The following KIFAP3 variants were observed in gnomAD, a reference collection of about 807,000 sequenced individuals.
KIFAP3 encodes the protein kinesin associated protein 3.
KIFAP3 carries 68 observed loss-of-function variants against 106.5 expected under a neutral mutation model. The observed-to-expected ratio is 0.64, with a 90% confidence interval of 0.53 to 0.78. The LOEUF (loss-of-function observed/expected upper bound fraction) is 0.78. Ranked by LOEUF, KIFAP3 falls within the 30% of genes least tolerant of loss-of-function variation. The pLI is 0.00. For synonymous variants in KIFAP3, 320 were observed against 311.5 expected, an observed-to-expected ratio of 1.03 and a Z score of -0.29; for missense variants, 780 against 941.8, an observed-to-expected ratio of 0.83 and a Z score of 2.25.
intron 3 of KIFAP3, among the ~76,000 whole-genome samples, chr1:170,039,856 A>C (rs1669883783): frequency 6.6e-6 from 1 of 152,170 alleles, no homozygotes; most frequent in Non-Finnish European, 1.5e-5. Context: ...ATTCCCAAAT[A>C]AAGAGGTATC....
intron 19 of KIFAP3, among the ~76,000 whole-genome samples, chr1:169,948,501 TAGCAATTAGG>T (rs139964410): frequency 0.021 from 3,240 of 152,080 alleles, 119 homozygotes; most frequent in African/African-American, 0.071. Flanking sequence ...TATAGGTTTT[TAGCAATTAGG>T]TTAGTTCTTA....
At chr1:169,973,275 C>G (rs1393409178) in intron 16 of KIFAP3, among the ~76,000 whole-genome samples, 1 of 146,002 alleles carries the variant, frequency 6.8e-6, no homozygotes, top group African/African-American at 2.5e-5. Context: ...GAAACAGAAG[C>G]AAAAGGAATA....
intron 10 of KIFAP3, among the ~76,000 whole-genome samples, chr1:170,002,256 T>C (rs1473199329): frequency 6.6e-6 from 1 of 152,162 alleles, no homozygotes; most frequent in Non-Finnish European, 1.5e-5. Flanking sequence ...AAATGTAATC[T>C]AGACAAAAAT....
intron 10 of KIFAP3, among the ~76,000 whole-genome samples, chr1:170,008,950 G>C (rs980730469): frequency 2.6e-5 from 4 of 152,202 alleles, no homozygotes; most frequent in African/African-American, 9.6e-5. Flanking sequence ...AAAAAAGGAT[G>C]AGATCATGTC....
chr1:170,050,754 G>A (rs895184980), intron 2 of KIFAP3, among the ~76,000 whole-genome samples: 12 of 152,044 alleles, frequency 7.9e-5, no homozygotes, highest in African/African-American at 2.4e-4. Flanking sequence ...AGCTTCATAA[G>A]CAAAGGAGAG....
chr1:170,004,532 G>C (rs1170512037), intron 10 of KIFAP3, among the ~76,000 whole-genome samples: 2 of 152,016 alleles, frequency 1.3e-5, no homozygotes, highest in Non-Finnish European at 2.9e-5. Context: ...GAACAGAACA[G>C]AGCTCTCAGA....
chr1:170,011,779 G>T (rs1310157899), intron 10 of KIFAP3, among the ~76,000 whole-genome samples: 1 of 151,952 alleles, frequency 6.6e-6, no homozygotes, highest in Non-Finnish European at 1.5e-5. Flanking sequence ...TGTAGCCAAA[G>T]ACCACATATG....
intron 1 of KIFAP3, among the ~76,000 whole-genome samples, chr1:170,062,738 T>G (rs1395288586): frequency 2.0e-5 from 3 of 152,152 alleles, no homozygotes; most frequent in African/African-American, 7.2e-5. Context: ...CTGGAACCAG[T>G]ATGTACCTAC....
intron 10 of KIFAP3, among the ~76,000 whole-genome samples, chr1:170,006,930 C>A (rs964947972): frequency 6.6e-5 from 10 of 152,202 alleles, no homozygotes; most frequent in African/African-American, 2.4e-4. Flanking sequence ...AGTCCAAGGA[C>A]TAAGCCCTGG....
chr1:169,964,600 T>C (rs1292401113), intron 17 of KIFAP3, among the ~76,000 whole-genome samples: 6 of 152,296 alleles, frequency 3.9e-5, no homozygotes, highest in Non-Finnish European at 7.4e-5. Context: ...AATATTATCC[T>C]ATCGTATTCT....
intron 1 of KIFAP3, chr1:170,067,962 T>C (rs1247249015): frequency 6.6e-6 from 1 of 152,166 alleles, no homozygotes; most frequent in Non-Finnish European, 1.5e-5. Flanking sequence ...ATCATAAGCT[T>C]TTACCTCTGG....
chr1:170,026,906 G>C (rs927898846), intron 8 of KIFAP3, among the ~76,000 whole-genome samples: 2 of 151,622 alleles, frequency 1.3e-5, no homozygotes, highest in Non-Finnish European at 2.9e-5. Flanking sequence ...GATCCAAAAG[G>C]ATCAAACTGT....
intron 19 of KIFAP3, among the ~76,000 whole-genome samples, chr1:169,928,524 TCA>T (rs990398495): frequency 6.6e-6 from 1 of 151,446 alleles, no homozygotes; most frequent in Non-Finnish European, 1.5e-5. Context: ...TGGCAAAACC[TCA>T]TTTCTACAAA....
intron 16 of KIFAP3, among the ~76,000 whole-genome samples, chr1:169,975,631 T>A (rs916428871): frequency 1.2e-4 from 19 of 152,152 alleles, no homozygotes; most frequent in African/African-American, 4.6e-4. Flanking sequence ...AGTTTTTTTT[T>A]AGAGACAGAG....
intron 1 of KIFAP3, among the ~76,000 whole-genome samples, chr1:170,080,443 C>G (rs1672002413): frequency 6.6e-6 from 1 of 151,908 alleles, no homozygotes; most frequent in African/African-American, 2.4e-5. Context: ...CAAAGGACCT[C>G]TAAGAGTTTA....
chr1:169,931,623 C>T (rs954033669), intron 19 of KIFAP3, among the ~76,000 whole-genome samples: 4 of 152,142 alleles, frequency 2.6e-5, no homozygotes, highest in South Asian at 2.1e-4. Context: ...ACTTGCTGAG[C>T]GGCTTAAATA....
At chr1:169,967,176 C>T (rs545715457) in intron 17 of KIFAP3, among the ~76,000 whole-genome samples, 2 of 151,948 alleles carry the variant, frequency 1.3e-5, no homozygotes, top group South Asian at 4.2e-4. Context: ...CTGCCACCTA[C>T]TATACCTGTT....
rs1052721132 is a variant in KIFAP3, at chr1:170,016,458, A to G, written c.1183+4T>C. The G allele has an allele frequency of 6.3e-7, 1 of 1,590,038 alleles. No individual in the cohort carries two copies. The highest frequency in any genetic ancestry group is 1.4e-5 in the African/African-American group (1 of 73,338). Reference sequence around the variant, plus strand: ...ACACTGTCATTAATTTCTAAAAAGCATACCTAGGAGTGCAGTGAGCTTGGG... The same window carrying G: ...ACACTGTCATTAATTTCTAAAAAGCGTACCTAGGAGTGCAGTGAGCTTGGG... On this transcript the variant is annotated splice_donor_region_variant and intron_variant, in intron 10 of 19. Transcript: ENST00000361580.
chr1:169,982,358 A>T (rs1666568444), intron 14 of KIFAP3, among the ~76,000 whole-genome samples: 2 of 152,272 alleles, frequency 1.3e-5, no homozygotes, highest in South Asian at 4.1e-4. Context: ...GACACAGAAA[A>T]TAAAAGACTC....
Sources: gnomAD v4.1 joint callset for allele counts (sites outside exome capture counted in the v4.1 genomes callset) on GRCh38, gnomAD v4.1.1 for gene constraint, MANE v1.5 for transcripts, NCBI Gene and HGNC (gene_info 2026-07-23, HGNC 2026-07-21) for gene names.